Variants in LRRC51 observed in about 807,000 individuals in gnomAD.
LRRC51 encodes the protein leucine rich repeat containing 51.
A neutral mutation model predicts 17.8 loss-of-function variants in LRRC51; 8 were observed. The ratio of observed to expected loss-of-function variants is 0.45; its 90% confidence interval spans 0.26 to 0.81. The LOEUF (loss-of-function observed/expected upper bound fraction) is 0.81, where lower values mean the gene tolerates loss of function less well. Among genes scored for constraint, LRRC51 ranks in the 30% least tolerant of loss-of-function variants. LRRC51 has a pLI of 0.17. For synonymous variants in LRRC51, 92 were observed against 96.0 expected, an observed-to-expected ratio of 0.96 and a Z score of 0.24; for missense variants, 233 against 239.3, an observed-to-expected ratio of 0.97 and a Z score of 0.17.
chr11:72,087,272 T>C (rs1472830527), intron 1 of LRRC51, among the ~76,000 whole-genome samples: 1 of 149,686 alleles, frequency 6.7e-6, no homozygotes, highest in Non-Finnish European at 1.5e-5. Flanking sequence ...AGGTCCTTGG[T>C]TTTTAACAGA....
chr11:72,083,330 T>G (rs565447727), intron 1 of LRRC51, among the ~76,000 whole-genome samples: 2 of 152,318 alleles, frequency 1.3e-5, no homozygotes, highest in South Asian at 4.1e-4. Flanking sequence ...CATATAGCAG[T>G]CACATCTGCC....
chr11:72,083,777 T>G (rs891259456), intron 1 of LRRC51: 2 of 152,140 alleles, frequency 1.3e-5, no homozygotes, highest in African/African-American at 4.8e-5. Flanking sequence ...AAAAACTATA[T>G]TCCAAGCAGA....
rs1368657678 is a variant in LRRC51 at position 72,096,823 on chromosome 11, A to C, written c.*1303A>C. ...GCCCCCACTTCAATCAGATCAAAGT[A>C]ATTCCATTCTGTTTTATATGCTGGG... is the stretch of plus-strand genomic sequence containing the variant. On this transcript the variant is annotated 3_prime_UTR_variant, in exon 6 of 6. Coordinates refer to ENST00000289488, the MANE Select transcript of LRRC51 (RefSeq NM_145309.6). 2 of 1,311,976 alleles carry C rather than the reference A, an allele frequency of 1.5e-6. No individual in the cohort carries two copies. The highest frequency in any genetic ancestry group is 3.1e-5 in the African/African-American group (2 of 65,494). The allele number at this position is 1,311,976 out of a possible 1,614,324, so 81.3% of individuals were successfully genotyped here. A position where few individuals can be genotyped will look rare whatever the true frequency, so the allele number is the denominator to read the frequency against.
In LRRC51 at chr11:72,090,504, T is replaced by C. The variant is rs549685244; in HGVS notation, c.82+1339T>C. On this transcript the variant is annotated intron_variant, in intron 3 of 5. Coordinates refer to ENST00000289488, the MANE Select transcript of LRRC51 (RefSeq NM_145309.6). ...TTATATATGTGTGTGTGTGTGTGCG[T>C]CATATGTATATGCCAGGTATTGTGC... is the stretch of plus-strand genomic sequence containing the variant. 3.3e-5 allele frequency among the ~76,000 whole-genome samples: 5 copies of C among 152,226 alleles called. No individual in the cohort carries two copies. In the East Asian group the frequency reaches 7.7e-4, roughly 24 times the overall value.
chr11:72,094,054 G>A (rs1945017772), intron 4 of LRRC51, among the ~76,000 whole-genome samples: 1 of 152,216 alleles, frequency 6.6e-6, no homozygotes, highest in Non-Finnish European at 1.5e-5. Context: ...GGAGGCCGAG[G>A]TGGGTGGATC....
chr11:72,092,578 T>C (rs1354299029), intron 3 of LRRC51, among the ~76,000 whole-genome samples: 1 of 152,246 alleles, frequency 6.6e-6, no homozygotes, highest in Non-Finnish European at 1.5e-5. Flanking sequence ...TGCCTTCCCA[T>C]TACACACAGG....
Position 72,095,085 on chromosome 11 carries a change from G to C in LRRC51, c.426G>C (p.Glu142Asp), listed in dbSNP as rs754500355. The C allele has an allele frequency of 4.3e-6, 7 of 1,614,066 alleles. No individual in the cohort carries two copies. The South Asian group carries it at 7.7e-5, about 18-fold the overall frequency. ...TCCATGGGAACCCCATGGAGGAAGA[G>C]AAAGGGTATAGGTAAGTGCCCTGCC... is the stretch of plus-strand genomic sequence containing the variant. ...LTLHGNPMEE[E>D]KGYRQYVLCT... The change falls in exon 5 of 6, where the codon GAG becomes GAC. Residue 142 changes from glutamate to aspartate, a missense_variant. Glu to Asp is a conservative substitution (Grantham distance 45, BLOSUM62 2). Coordinates refer to ENST00000289488, the MANE Select transcript of LRRC51 (RefSeq NM_145309.6).
At chr11:72,086,308 T>C in intron 1 of LRRC51, 1 of 662,460 alleles carries the variant, frequency 1.5e-6, no homozygotes, top group Non-Finnish European at 2.7e-6. Context: ...CTTTCTGTGC[T>C]CATGACAGGG....
intron 1 of LRRC51, chr11:72,085,988 G>A (rs145229442): frequency 8.2e-5 from 13 of 158,064 alleles, no homozygotes; most frequent in Non-Finnish European, 1.8e-4. Context: ...GCTTCTGTTT[G>A]CTTCATGTTT....
At chr11:72,089,238 A>G in intron 3 of LRRC51, 73 bp downstream of exon 3, 1 of 1,606,140 alleles carries the variant, frequency 6.2e-7, no homozygotes, top group Non-Finnish European at 8.5e-7. Flanking sequence ...AGAAACCATA[A>G]TCTACTTAAA....
At chr11:72,094,713 G>C (rs550359915) in intron 4 of LRRC51, 145 of 801,952 alleles carry the variant, frequency 1.8e-4, no homozygotes, top group Non-Finnish European at 2.5e-4. Flanking sequence ...TGGCAGTGCT[G>C]GTACCCAGGC....
intron 3 of LRRC51, among the ~76,000 whole-genome samples, chr11:72,092,220 C>T (rs994819691): frequency 2.6e-5 from 4 of 152,136 alleles, no homozygotes; most frequent in East Asian, 1.9e-4. Flanking sequence ...CCTGAGCTTC[C>T]GACCTTCATC....
intron 4 of LRRC51, 141 bp downstream of exon 4, chr11:72,093,842 C>G: frequency 2.4e-6 from 2 of 828,944 alleles, no homozygotes; most frequent in South Asian, 2.8e-5. Flanking sequence ...GGGGGCCAGA[C>G]AGATAGATGT....
chr11:72,093,789 G>C, intron 4 of LRRC51, 88 bp downstream of exon 4: 1 of 1,242,612 alleles, frequency 8.0e-7, no homozygotes, highest in Non-Finnish European at 1.2e-6. Flanking sequence ...ATGTTATCAA[G>C]GAAGTAATGA....
At chr11:72,093,983 G>T (rs1207711157) in intron 4 of LRRC51, among the ~76,000 whole-genome samples, 1 of 152,150 alleles carries the variant, frequency 6.6e-6, no homozygotes, top group Non-Finnish European at 1.5e-5. Flanking sequence ...TGTGAGGATT[G>T]AATGAAAATA....
intron 3 of LRRC51, among the ~76,000 whole-genome samples, chr11:72,090,054 T>C (rs1944765189): frequency 6.6e-6 from 1 of 152,242 alleles, no homozygotes; most frequent in Admixed American, 6.5e-5. Flanking sequence ...CCACTGCCTT[T>C]AAGCTCGGGA....
intron 3 of LRRC51, among the ~76,000 whole-genome samples, chr11:72,090,801 T>TTAGG (rs1944813759): frequency 6.6e-6 from 1 of 152,220 alleles, no homozygotes; most frequent in African/African-American, 2.4e-5. Flanking sequence ...CATATACACC[T>TTAGG]ACCAACACCT....
At chr11:72,086,206 T>C (rs1304663309) in intron 1 of LRRC51, 10 of 581,166 alleles carry the variant, frequency 1.7e-5, no homozygotes, top group Non-Finnish European at 3.1e-5. Flanking sequence ...GAACTGAGTG[T>C]TGAAACATGA....
chr11:72,093,465 A>T, intron 3 of LRRC51, 31 bp from the exon 4 acceptor site: 1 of 1,587,082 alleles, frequency 6.3e-7, no homozygotes, highest in Non-Finnish European at 8.6e-7. Context: ...AAAAGCAAAG[A>T]TGATACCCAA....
Sources: allele counts gnomAD v4.1 joint callset (sites outside exome capture counted in the v4.1 genomes callset), GRCh38; gene constraint gnomAD v4.1.1; transcripts MANE v1.5; gene names NCBI Gene and HGNC (gene_info 2026-07-23, HGNC 2026-07-21).